The following LYPD1 variants were observed in gnomAD, a reference collection of about 807,000 sequenced individuals.
LYPD1 encodes the protein ly6/PLAUR domain-containing protein 1.
LYPD1 carries 14 observed loss-of-function variants against 14.2 expected under a neutral mutation model. The ratio of observed to expected loss-of-function variants is 0.99; its 90% confidence interval spans 0.65 to 1.54. The LOEUF (loss-of-function observed/expected upper bound fraction) is 1.54. LYPD1 is among the 40% of genes most tolerant of loss of function. The pLI is 0.00. For missense variants in LYPD1, 165 were observed against 175.7 expected, an observed-to-expected ratio of 0.94 and a Z score of 0.34; for synonymous variants, 85 against 70.6, an observed-to-expected ratio of 1.20 and a Z score of -1.02.
intron 1 of LYPD1, 60 bp from the exon 2 acceptor site, chr2:132,668,597 A>G: frequency 1.3e-6 from 2 of 1,590,908 alleles, no homozygotes; most frequent in Non-Finnish European, 1.7e-6. Flanking sequence ...CCCGGAAATC[A>G]CGACCATCCC....
chr2:132,654,332 C>T (rs538997219), intron 2 of LYPD1, among the ~76,000 whole-genome samples: 6 of 150,798 alleles, frequency 4.0e-5, no homozygotes, highest in Non-Finnish European at 5.9e-5. Context: ...GCCTGGGAGG[C>T]AGAGGTTGCA....
chr2:132,646,399 G>T (rs1168291681), intron 2 of LYPD1, 119 bp from the exon 3 acceptor site: 7 of 559,220 alleles, frequency 1.3e-5, no homozygotes, highest in African/African-American at 5.9e-5. Flanking sequence ...CAGAGACTAG[G>T]TGAGGTCAGG....
At chr2:132,665,579 G>A (rs1025665963) in intron 2 of LYPD1, among the ~76,000 whole-genome samples, 3 of 152,144 alleles carry the variant, frequency 2.0e-5, no homozygotes, top group Admixed American at 2.0e-4. Context: ...CTGGCTGTGT[G>A]GTATTACAGC....
At chr2:132,658,581 C>G (rs942922447) in intron 2 of LYPD1, among the ~76,000 whole-genome samples, 1 of 152,146 alleles carries the variant, frequency 6.6e-6, no homozygotes, top group African/African-American at 2.4e-5. Flanking sequence ...GGCAAGAATA[C>G]AAGCAATTAG....
At position 132,645,460 on chromosome 2, in the gene LYPD1, GAGA is replaced by G. The variant is rs113224054; in HGVS notation, c.*582_*584del. On this transcript the variant is annotated 3_prime_UTR_variant, in exon 3 of 3. Coordinates refer to ENST00000397463, the MANE Select transcript of LYPD1 (RefSeq NM_144586.7). ...GCGCCAGTCCTCTGCAAGGAGAACT[GAGA>G]AGATTTTCTTAAGCACTTTTCAGAG... 627 of 1,613,900 alleles carry G rather than the reference GAGA, an allele frequency of 3.9e-4. 4 individuals carry two copies. In the African/African-American group the frequency reaches 7.0e-3, roughly 18 times the overall value.
intron 2 of LYPD1, among the ~76,000 whole-genome samples, chr2:132,650,489 T>C (rs190316828): frequency 3.3e-5 from 5 of 152,270 alleles, no homozygotes; most frequent in Admixed American, 6.5e-5. Flanking sequence ...CTCACATACA[T>C]ACAAAACGAC....
rs572526187 is a variant in LYPD1 at position 132,668,316 on chromosome 2, C to A, written c.190+84G>T. On this transcript the variant is annotated intron_variant, in intron 2 of 2. Transcript: ENST00000397463. ...TGTGGGCATTAAATCAAAGTCAGTC[C>A]TTTTTCCTGCTATTTAATGGCCCCC... 4.7e-6 allele frequency: 7 copies of A among 1,478,376 alleles called. No homozygotes were observed. The Admixed American group carries it at 1.2e-4, about 25-fold the overall frequency. 91.6% of individuals were successfully genotyped at this position (1,478,376 alleles called of 1,614,324 possible).
chr2:132,656,923 GAAT>G (rs1332318410), intron 2 of LYPD1, among the ~76,000 whole-genome samples: 2 of 152,100 alleles, frequency 1.3e-5, no homozygotes, highest in African/African-American at 2.4e-5. Flanking sequence ...TGAAAATTGA[GAAT>G]AATATTAAGG....
At chr2:132,665,484 G>T (rs987731834) in intron 2 of LYPD1, among the ~76,000 whole-genome samples, 3 of 152,162 alleles carry the variant, frequency 2.0e-5, no homozygotes, top group Non-Finnish European at 4.4e-5. Flanking sequence ...AGGTGAACTT[G>T]GTGGATATGA....
chr2:132,655,692 T>C (rs973531629), intron 2 of LYPD1, among the ~76,000 whole-genome samples: 36 of 151,818 alleles, frequency 2.4e-4, no homozygotes, highest in African/African-American at 8.5e-4. Flanking sequence ...TTTTTTGTGT[T>C]TTTAGTAGAG....
At chr2:132,656,647 G>A (rs1232227227) in intron 2 of LYPD1, among the ~76,000 whole-genome samples, 2 of 152,182 alleles carry the variant, frequency 1.3e-5, no homozygotes, top group Non-Finnish European at 2.9e-5. Context: ...GATGGGCACC[G>A]TTTATCAGGA....
chr2:132,646,199 C>T lies in LYPD1; in HGVS notation c.272G>A (p.Gly91Glu). The T allele has an allele frequency of 1.2e-6, 2 of 1,607,396 alleles. No homozygotes were observed. Among genetic ancestry groups the T allele is most frequent in the Non-Finnish European group, 1.7e-6 (2 of 1,176,246 alleles). The change falls in exon 3 of 3, where the codon GGG (glycine) becomes GAG (glutamate). Residue 91 changes from glycine (G) to glutamate (E), a missense_variant. Gly to Glu is a moderately conservative substitution (Grantham distance 98, BLOSUM62 -2). Coordinates refer to ENST00000397463, the MANE Select transcript of LYPD1 (RefSeq NM_144586.7). Reference sequence around the variant, plus strand: ...GCTGATGCAAACTGAGTTCAGTTTCCCTGGGGAGCAGAAGGACTGGTACCC... The same window carrying T: ...GCTGATGCAAACTGAGTTCAGTTTCTCTGGGGAGCAGAAGGACTGGTACCC... Reference protein sequence around the residue: ...SAGYQSFCSPGKLNSVCISCC... With the variant: ...SAGYQSFCSPEKLNSVCISCC...
In LYPD1 at chr2:132,646,283, G is replaced by GT. The variant is rs758044361; in HGVS notation, c.191-4dup. On this transcript the variant is annotated splice_region_variant and splice_polypyrimidine_tract_variant and intron_variant, in intron 2 of 2. Transcript: ENST00000397463. The stretch of plus-strand genomic sequence containing the variant: ...ACAGGACTTGCGGTACATGATCCCT[G>GT]TAACACAGACCCAAAGGAGCTGAGT... The GT allele has an allele frequency of 6.7e-7, 1 of 1,487,278 alleles. No individual in the cohort carries two copies. Among genetic ancestry groups the GT allele is most frequent in the Non-Finnish European group, 9.0e-7 (1 of 1,111,968 alleles). The allele number at this position is 1,487,278 out of a possible 1,614,324, so 92.1% of individuals were successfully genotyped here.
At chr2:132,657,184 G>A (rs1231683299) in intron 2 of LYPD1, among the ~76,000 whole-genome samples, 1 of 152,154 alleles carries the variant, frequency 6.6e-6, no homozygotes, top group Non-Finnish European at 1.5e-5. Context: ...AACCCATAAT[G>A]TATGATGCCA....
chr2:132,656,973 T>C (rs1161343519), intron 2 of LYPD1, among the ~76,000 whole-genome samples: 3 of 152,312 alleles, frequency 2.0e-5, no homozygotes, highest in South Asian at 2.1e-4. Context: ...ATAAATGTGT[T>C]TCTGAAAACA....
At chr2:132,648,664 A>C (rs1296081201) in intron 2 of LYPD1, among the ~76,000 whole-genome samples, 1 of 152,252 alleles carries the variant, frequency 6.6e-6, no homozygotes, top group Admixed American at 6.5e-5. Flanking sequence ...ACAACTGCTA[A>C]GACCCTCATG....
intron 2 of LYPD1, among the ~76,000 whole-genome samples, chr2:132,646,735 TCCTGGAGTTCTTTGAAGACAG>T (rs1232157989): frequency 6.6e-6 from 1 of 152,152 alleles, no homozygotes; most frequent in Non-Finnish European, 1.5e-5. Flanking sequence ...GTTGATGAAA[TCCTGGAGTTCTTTGAAGACAG>T]ACCAAATCCC....
intron 2 of LYPD1, among the ~76,000 whole-genome samples, chr2:132,655,736 G>A (rs1302030376): frequency 5.3e-5 from 8 of 151,966 alleles, no homozygotes; most frequent in South Asian, 2.1e-4. Flanking sequence ...GGATGGTCTC[G>A]ATCTCCTGAC....
In LYPD1 at chr2:132,645,746, C is replaced by T; in HGVS notation, c.*299G>A. The T allele has an allele frequency of 8.3e-7, 1 of 1,208,128 alleles. No homozygotes were observed. Among genetic ancestry groups the T allele is most frequent in the Non-Finnish European group, 1.1e-6 (1 of 881,896 alleles). 74.8% of individuals were successfully genotyped at this position (1,208,128 alleles called of 1,614,324 possible). A position where few individuals can be genotyped will look rare whatever the true frequency, so the allele number is the denominator to read the frequency against. On this transcript the variant is annotated 3_prime_UTR_variant, in exon 3 of 3. Transcript: ENST00000397463. Reference sequence around the variant, plus strand: ...CTTTACAAAAGGCAGATGCCCACCTCAGTGACTTCTAAGGACTGACTCTGC... The same window carrying T: ...CTTTACAAAAGGCAGATGCCCACCTTAGTGACTTCTAAGGACTGACTCTGC...
Sources: allele counts gnomAD v4.1 joint callset (sites outside exome capture counted in the v4.1 genomes callset), GRCh38; gene constraint gnomAD v4.1.1; transcripts MANE v1.5; gene names NCBI Gene and HGNC (gene_info 2026-07-23, HGNC 2026-07-21).